KIRREL3: variants seen among roughly 807,000 people sequenced by gnomAD.
KIRREL3 encodes the protein kirre like nephrin family adhesion molecule 3, also known as kin of IRRE-like protein 3.
Under a neutral mutation model 89.7 loss-of-function variants are expected in KIRREL3, and 36 were observed. The observed-to-expected ratio is 0.40, with a 90% CI of 0.31 to 0.53. The LOEUF (loss-of-function observed/expected upper bound fraction) is 0.53, where lower values mean the gene tolerates loss of function less well. Among genes scored for constraint, KIRREL3 ranks in the 20% least tolerant of loss-of-function variants. KIRREL3 has a pLI of 0.49. For missense variants in KIRREL3, 864 were observed against 1,056.6 expected (o/e 0.82, Z 2.53); for synonymous variants, 445 against 441.4 (o/e 1.01, Z -0.10).
At chr11:126,749,216 G>A (rs950978876) in intron 1 of KIRREL3, among the ~76,000 whole-genome samples, 2 of 152,140 alleles carry the variant, frequency 1.3e-5, no homozygotes, top group Non-Finnish European at 2.9e-5. Flanking sequence ...GACTGTTTTC[G>A]TGGAGGTATT....
Position 126,442,283 on chromosome 11 carries a change from A to C in KIRREL3, c.1253-1734T>G, listed in dbSNP as rs1022549353. Among the ~76,000 whole-genome samples, 837 of 111,118 alleles carry C rather than the reference A, an allele frequency of 7.5e-3. 13 individuals are homozygous for C. The highest frequency in any genetic ancestry group is 0.015 in the Admixed American group (131 of 8,718). The allele number at this position is 111,118 out of a possible 152,430, so 72.9% of individuals were successfully genotyped here. A position where few individuals can be genotyped will look rare whatever the true frequency, so the allele number is the denominator to read the frequency against. On this transcript the variant is annotated intron_variant, in intron 10 of 16. Transcript: ENST00000525144. ...CTCAAAAAAAAAAAACAAAAAAAAAACAAAAAACCCAACATGCACAGACAC... is the reference window on the plus strand; with the variant it reads ...CTCAAAAAAAAAAAACAAAAAAAAACCAAAAAACCCAACATGCACAGACAC...
At chr11:126,493,134 C>T (rs1299751199) in intron 4 of KIRREL3, among the ~76,000 whole-genome samples, 1 of 152,188 alleles carries the variant, frequency 6.6e-6, no homozygotes, top group African/African-American at 2.4e-5. Context: ...CATGGCCTCT[C>T]AGGGCAGGCA....
Position 126,965,516 on chromosome 11 carries a change from T to C in KIRREL3, c.55+34939A>G, listed in dbSNP as rs1591393510. 6.6e-6 allele frequency among the ~76,000 whole-genome samples: 1 copy of C among 152,172 alleles called. No homozygotes were observed. The highest frequency in any genetic ancestry group is 1.5e-5 in the Non-Finnish European group (1 of 68,028). On this transcript the variant is annotated intron_variant, in intron 1 of 16. Coordinates refer to ENST00000525144, the MANE Select transcript of KIRREL3 (RefSeq NM_032531.4). This position sits in a 1 kb window ranked among gnomAD's most constrained non-coding sequence, Gnocchi z 4.4. ...TGCTGGTACTGAGAAACCAGTATCC[T>C]GGAACCCTATTGTGAAAGACTAACA...
rs1051544842 is a variant in KIRREL3, at chr11:126,814,630, G to T, written c.55+185825C>A. On this transcript the variant is annotated intron_variant, in intron 1 of 16. Transcript: ENST00000525144. This position sits in a 1 kb window ranked among gnomAD's most constrained non-coding sequence, Gnocchi z 4.4. ...CATGTCCTTTGCAGGGACATGGATGGAGCTGGAAGCCATTATCCTCAGTAA... is the reference window on the plus strand; with the variant it reads ...CATGTCCTTTGCAGGGACATGGATGTAGCTGGAAGCCATTATCCTCAGTAA... 6.6e-6 allele frequency among the ~76,000 whole-genome samples: 1 copy of T among 152,184 alleles called. No individual in the cohort carries two copies. Among genetic ancestry groups the T allele is most frequent in the Non-Finnish European group, 1.5e-5 (1 of 68,038 alleles).
chr11:126,572,303 A>G (rs892123633), intron 1 of KIRREL3, among the ~76,000 whole-genome samples: 1 of 152,222 alleles, frequency 6.6e-6, no homozygotes, highest in Non-Finnish European at 1.5e-5. Context: ...AGGCCCAATA[A>G]CAGGTTATAC....
In KIRREL3 at chr11:126,429,813, G is replaced by T. The variant is rs963237173; in HGVS notation, c.1697-525C>A. 1.2e-4 allele frequency among the ~76,000 whole-genome samples: 19 copies of T among 152,250 alleles called. No individual in the cohort carries two copies. The highest frequency in any genetic ancestry group is 3.9e-4 in the African/African-American group (16 of 41,462). On this transcript the variant is annotated intron_variant, in intron 14 of 16. Coordinates refer to ENST00000525144, the MANE Select transcript of KIRREL3 (RefSeq NM_032531.4). The surrounding 1 kb of genome is among the most constrained non-coding windows in gnomAD (Gnocchi z 5.2). ...AAGCTTTACTGCTACTTCTGCAGGA[G>T]GCAGGCTGTTTCTAGTTGGAGAGCT... is the stretch of plus-strand genomic sequence containing the variant.
At chr11:126,792,884 A>G (rs1950689841) in intron 1 of KIRREL3, among the ~76,000 whole-genome samples, 1 of 152,190 alleles carries the variant, frequency 6.6e-6, no homozygotes, top group Admixed American at 6.5e-5. Flanking sequence ...CAAAAAACTA[A>G]TAAGAAGATG....
At chr11:126,819,462 G>A (rs1035489050) in intron 1 of KIRREL3, among the ~76,000 whole-genome samples, 8 of 152,236 alleles carry the variant, frequency 5.3e-5, no homozygotes, top group East Asian at 1.9e-4. Flanking sequence ...CAGGGCCATT[G>A]TGTGGGAGGC....
chr11:126,840,289 A>G (rs899353267), intron 1 of KIRREL3, among the ~76,000 whole-genome samples: 1 of 152,196 alleles, frequency 6.6e-6, no homozygotes, highest in African/African-American at 2.4e-5. Context: ...GAAGCTCATG[A>G]GCATAAGGAT....
At chr11:126,926,408 G>A (rs186320587) in intron 1 of KIRREL3, among the ~76,000 whole-genome samples, 29 of 152,312 alleles carry the variant, frequency 1.9e-4, no homozygotes, top group African/African-American at 7.0e-4. Context: ...ATATTTCCCT[G>A]TCATATGGTA....
rs1384094979 is a variant in KIRREL3 at position 126,773,502 on chromosome 11, TTCTC to T, written c.56-210594_56-210591del. Among the ~76,000 whole-genome samples the T allele has an allele frequency of 6.6e-6, 1 of 152,246 alleles. No homozygotes were observed. Among genetic ancestry groups the T allele is most frequent in the African/African-American group, 2.4e-5 (1 of 41,468 alleles). ...CCAGTCCCTTAAAATAAATCTGTCTTTCTCTATATATCGCTTCCTGTTGGTTCTG... is the reference window on the plus strand; with the variant it reads ...CCAGTCCCTTAAAATAAATCTGTCTTTATATATCGCTTCCTGTTGGTTCTG... On this transcript the variant is annotated intron_variant, in intron 1 of 16. Coordinates refer to ENST00000525144, the MANE Select transcript of KIRREL3 (RefSeq NM_032531.4). This position sits in a 1 kb window ranked among gnomAD's most constrained non-coding sequence, Gnocchi z 4.2.
intron 6 of KIRREL3, among the ~76,000 whole-genome samples, chr11:126,460,315 C>T (rs752348049): frequency 3.3e-5 from 5 of 152,156 alleles, no homozygotes; most frequent in Non-Finnish European, 7.4e-5. Flanking sequence ...GTGTGGGGCA[C>T]TCACAACGTG....
rs1946805199 is a variant in KIRREL3 at position 126,689,630 on chromosome 11, T to C, written c.56-126718A>G. ...CAGCCAGGAGATGGGAAGAGACATC[T>C]TGTTAGCCAGTTGCTCTGGTAGCCT... On this transcript the variant is annotated intron_variant, in intron 1 of 16. Transcript: ENST00000525144. The surrounding 1 kb of genome is among the most constrained non-coding windows in gnomAD (Gnocchi z 5.2). 3.3e-5 allele frequency among the ~76,000 whole-genome samples: 5 copies of C among 152,230 alleles called. No individual in the cohort carries two copies. The highest frequency in any genetic ancestry group is 3.3e-4 in the Admixed American group (5 of 15,286).
chr11:126,758,680 A>G (rs1411401891), intron 1 of KIRREL3, among the ~76,000 whole-genome samples: 1 of 152,242 alleles, frequency 6.6e-6, no homozygotes, highest in African/African-American at 2.4e-5. Flanking sequence ...CATCTAAATT[A>G]TGACTGGAGA....
At position 126,912,126 on chromosome 11, in the gene KIRREL3, A is replaced by T. The variant is rs1041941737; in HGVS notation, c.55+88329T>A. ...GACCCCTGGCAGTCTGGAAGCCTAG[A>T]TGTCGTGAATCAAGCCTCTGGCAAG... is the stretch of plus-strand genomic sequence containing the variant. On this transcript the variant is annotated intron_variant, in intron 1 of 16. Transcript: ENST00000525144. The surrounding 1 kb of genome is among the most constrained non-coding windows in gnomAD (Gnocchi z 4.7). 6.6e-6 allele frequency among the ~76,000 whole-genome samples: 1 copy of T among 152,080 alleles called. No homozygotes were observed. The highest frequency in any genetic ancestry group is 6.5e-5 in the Admixed American group (1 of 15,272).
At position 126,555,710 on chromosome 11, in the gene KIRREL3, G is replaced by A. The variant is rs924699267; in HGVS notation, c.133+7125C>T. On this transcript the variant is annotated intron_variant, in intron 2 of 16. Coordinates refer to ENST00000525144, the MANE Select transcript of KIRREL3 (RefSeq NM_032531.4). The surrounding 1 kb of genome is among the most constrained non-coding windows in gnomAD (Gnocchi z 4.2). ...CAGAGGTAGGTAGGAACCAGATCAC[G>A]TGGCACCTTGTAGAACATGCTAACA... Among the ~76,000 whole-genome samples, 8 of 151,650 alleles carry A rather than the reference G, an allele frequency of 5.3e-5. No homozygotes were observed. Among genetic ancestry groups the A allele is most frequent in the Admixed American group, 2.6e-4 (4 of 15,196 alleles).
At chr11:126,591,088 CG>C (rs1233481236) in intron 1 of KIRREL3, among the ~76,000 whole-genome samples, 1 of 152,048 alleles carries the variant, frequency 6.6e-6, no homozygotes, top group African/African-American at 2.4e-5. Context: ...TAGCTGGGCA[CG>C]GTGGTGTGTG....
At chr11:126,964,380 T>C (rs913067545) in intron 1 of KIRREL3, among the ~76,000 whole-genome samples, 8 of 152,142 alleles carry the variant, frequency 5.3e-5, no homozygotes, top group East Asian at 1.9e-4. Flanking sequence ...TTCTCCCCCA[T>C]AGATAGATAG....
chr11:126,787,787 G>A (rs1383129795), intron 1 of KIRREL3, among the ~76,000 whole-genome samples: 1 of 152,188 alleles, frequency 6.6e-6, no homozygotes. Flanking sequence ...GATACAGGTT[G>A]CCTTAGAAGG....
Sources: gnomAD v4.1 joint callset for allele counts (sites outside exome capture counted in the v4.1 genomes callset) on GRCh38, gnomAD v4.1.1 for gene constraint, Gnocchi (gnomAD v3.1) non-coding constraint, MANE v1.5 for transcripts, NCBI Gene and HGNC (gene_info 2026-07-23, HGNC 2026-07-21) for gene names.